Variants in CDKL1 observed in about 807,000 individuals in gnomAD.
The protein encoded by CDKL1 is cyclin dependent kinase like 1.
Under a neutral mutation model 42.0 loss-of-function variants are expected in CDKL1, and 41 were observed. The ratio of observed to expected loss-of-function variants is 0.98; its 90% confidence interval spans 0.76 to 1.27. The LOEUF (loss-of-function observed/expected upper bound fraction) is 1.27, where lower values mean the gene tolerates loss of function less well. CDKL1 is among the 50% of genes most tolerant of loss of function. The pLI, the probability that CDKL1 is intolerant of heterozygous loss-of-function variation, is 0.00. For missense variants in CDKL1, 394 were observed against 428.4 expected (o/e 0.92, Z 0.71); for synonymous variants, 153 against 158.6 (o/e 0.96, Z 0.26).
At chr14:50,387,604 A>C (rs1168739110) in intron 2 of CDKL1, among the ~76,000 whole-genome samples, 1 of 151,920 alleles carries the variant, frequency 6.6e-6, no homozygotes, top group Non-Finnish European at 1.5e-5. Flanking sequence ...TTTAGATCAG[A>C]CATGAGGACC....
intron 3 of CDKL1, among the ~76,000 whole-genome samples, chr14:50,348,762 G>C (rs1413594079): frequency 6.6e-6 from 1 of 152,142 alleles, no homozygotes; most frequent in Non-Finnish European, 1.5e-5. Flanking sequence ...CCTCTAATAA[G>C]AAAGTAGAAG....
upstream of CDKL1, chr14:50,397,163 C>A: frequency 2.2e-6 from 3 of 1,366,404 alleles, no homozygotes; most frequent in South Asian, 3.4e-5. Flanking sequence ...AAGACGCCTG[C>A]GCTAGGAGCC....
At chr14:50,371,149 T>C (rs1332376745) in intron 2 of CDKL1, among the ~76,000 whole-genome samples, 1 of 152,220 alleles carries the variant, frequency 6.6e-6, no homozygotes, top group East Asian at 1.9e-4. Flanking sequence ...TATATATTCA[T>C]CCACTGATGG....
chr14:50,364,728 A>G (rs1469991984), intron 2 of CDKL1, among the ~76,000 whole-genome samples: 7 of 152,236 alleles, frequency 4.6e-5, no homozygotes, highest in African/African-American at 1.7e-4. Context: ...CAACAGGGTC[A>G]GGTAAATATT....
intron 2 of CDKL1, among the ~76,000 whole-genome samples, chr14:50,385,447 C>T (rs1390881522): frequency 6.6e-6 from 1 of 152,132 alleles, no homozygotes; most frequent in African/African-American, 2.4e-5. Flanking sequence ...ATGTCAGTTT[C>T]ATGAAAGATG....
intron 2 of CDKL1, among the ~76,000 whole-genome samples, chr14:50,381,944 G>A (rs191019155): frequency 2.6e-4 from 39 of 152,210 alleles, no homozygotes; most frequent in Non-Finnish European, 4.9e-4. Context: ...GGCCAGTTTA[G>A]AAATTCTTAA....
chr14:50,375,778 C>T (rs12590247), intron 2 of CDKL1, among the ~76,000 whole-genome samples: 1 of 151,360 alleles, frequency 6.6e-6, no homozygotes, highest in African/African-American at 2.4e-5. Context: ...GCCTGGGCAA[C>T]AGAGCGAGAC....
At chr14:50,387,509 C>A (rs1291577560) in intron 2 of CDKL1, among the ~76,000 whole-genome samples, 1 of 136,976 alleles carries the variant, frequency 7.3e-6, no homozygotes, top group Non-Finnish European at 1.6e-5. Flanking sequence ...GGTGACAAGA[C>A]CAAGACTCCA....
chr14:50,326,882 A>AT lies in CDKL1; in HGVS notation c.*3191dup, dbSNP rs2032725471. 1 of 425,274 alleles carries AT rather than the reference A, an allele frequency of 2.4e-6. No individual in the cohort carries two copies. The highest frequency in any genetic ancestry group is 3.1e-6 in the Non-Finnish European group (1 of 318,418). The allele number at this position is 425,274 out of a possible 1,614,324, so 26.3% of individuals were successfully genotyped here. ...ACAGTGAGACCCCATCTCTAAAAAA[A>AT]TTTTAAAAATTAGGCAGGCATGGTG... is the stretch of plus-strand genomic sequence containing the variant. On this transcript the variant is annotated 3_prime_UTR_variant, in exon 10 of 10. Transcript: ENST00000395834.
intron 2 of CDKL1, among the ~76,000 whole-genome samples, chr14:50,378,840 C>T (rs892043411): frequency 6.6e-6 from 1 of 151,670 alleles, no homozygotes; most frequent in Non-Finnish European, 1.5e-5. Context: ...AGACACTGTG[C>T]CTGTCAAGAC....
intron 9 of CDKL1, 150 bp downstream of exon 9, chr14:50,332,112 G>T: frequency 1.2e-6 from 2 of 1,600,444 alleles, no homozygotes; most frequent in Non-Finnish European, 1.7e-6. Context: ...GGAGACAGAT[G>T]TCCCTGGGGC....
At chr14:50,378,610 T>G in intron 2 of CDKL1, among the ~76,000 whole-genome samples, 1 of 152,240 alleles carries the variant, frequency 6.6e-6, no homozygotes, top group East Asian at 1.9e-4. Context: ...CATCGCTCCC[T>G]GCAGCCTTGA....
At chr14:50,335,777 G>T in intron 7 of CDKL1, 1 of 985,372 alleles carries the variant, frequency 1.0e-6, no homozygotes, top group South Asian at 4.7e-5. Context: ...AACAGTCCTG[G>T]TGCTGTGGCC....
intron 2 of CDKL1, among the ~76,000 whole-genome samples, chr14:50,385,104 A>G (rs2035038432): frequency 7.4e-6 from 1 of 135,546 alleles, no homozygotes; most frequent in Non-Finnish European, 1.6e-5. Flanking sequence ...AAAAAAAAAA[A>G]AAAAGAACCA....
chr14:50,375,891 G>GA (rs1364887600), intron 2 of CDKL1, among the ~76,000 whole-genome samples: 1 of 152,060 alleles, frequency 6.6e-6, no homozygotes, highest in Non-Finnish European at 1.5e-5. Context: ...CTAATCATGA[G>GA]AAAAAACAGA....
At chr14:50,352,460 T>A (rs1042222749) in intron 3 of CDKL1, among the ~76,000 whole-genome samples, 1 of 152,120 alleles carries the variant, frequency 6.6e-6, no homozygotes, top group African/African-American at 2.4e-5. Context: ...AAAAATCTAT[T>A]TGTAGGAAAA....
At position 50,396,222 on chromosome 14, in the gene CDKL1, G is replaced by GAAAT. The variant is rs1566617712; in HGVS notation, c.-355_-354insATTT. 1.0e-6 allele frequency: 1 copy of GAAAT among 957,492 alleles called. No homozygotes were observed. The highest frequency in any genetic ancestry group is 1.2e-6 in the Non-Finnish European group (1 of 800,922). 59.3% of individuals were successfully genotyped at this position (957,492 alleles called of 1,614,324 possible). On this transcript the variant is annotated 5_prime_UTR_variant, in exon 2 of 10. Coordinates refer to ENST00000395834, the MANE Select transcript of CDKL1 (RefSeq NM_004196.7). ...AAAAAAAAAAAAAAAAAGAAAGAAAGAAAAGAAAAGAAAGGATCTTCACAT... is the reference window on the plus strand; with the variant it reads ...AAAAAAAAAAAAAAAAAGAAAGAAAGAAATAAAAGAAAAGAAAGGATCTTCACAT...
At chr14:50,369,886 TG>T (rs1377607411) in intron 2 of CDKL1, among the ~76,000 whole-genome samples, 1 of 152,180 alleles carries the variant, frequency 6.6e-6, no homozygotes, top group Non-Finnish European at 1.5e-5. Context: ...CCCAAAGTGC[TG>T]GGATTACAGG....
intron 2 of CDKL1, among the ~76,000 whole-genome samples, chr14:50,359,551 G>A (rs2034173271): frequency 6.6e-6 from 1 of 152,012 alleles, no homozygotes; most frequent in South Asian, 2.1e-4. Flanking sequence ...GAATTACTGA[G>A]TAATTAATAA....
Sources: gnomAD v4.1 joint callset for allele counts (sites outside exome capture counted in the v4.1 genomes callset) on GRCh38, gnomAD v4.1.1 for gene constraint, MANE v1.5 for transcripts, NCBI Gene and HGNC (gene_info 2026-07-23, HGNC 2026-07-21) for gene names.